Variants in IDE observed in about 807,000 individuals in gnomAD.
IDE encodes the protein insulin degrading enzyme, also known as insulin-degrading enzyme.
IDE carries 58 observed loss-of-function variants against 133.2 expected under a neutral mutation model. That is an observed-to-expected ratio of 0.44 (90% CI 0.35 to 0.54). The LOEUF is 0.54. Among genes scored for constraint, IDE ranks in the 20% least tolerant of loss-of-function variants. The pLI is 0.00. For synonymous variants in IDE, 396 were observed against 421.3 expected (o/e 0.94, Z 0.73); for missense variants, 981 against 1,234.0 (o/e 0.79, Z 3.07).
intron 11 of IDE, among the ~76,000 whole-genome samples, chr10:92,494,237 T>TC (rs974849029): frequency 1.3e-5 from 2 of 151,510 alleles, no homozygotes; most frequent in African/African-American, 4.8e-5. Flanking sequence ...AATTTTTTTT[T>TC]TTTTTTTTTT....
intron 12 of IDE, 64 bp from the exon 13 acceptor site, chr10:92,487,382 T>A: frequency 7.3e-7 from 1 of 1,378,124 alleles, no homozygotes; most frequent in Non-Finnish European, 1.0e-6. Flanking sequence ...AAATAGTATC[T>A]CTGCTCAATA....
intron 6 of IDE, 115 bp downstream of exon 6, chr10:92,509,935 A>C (rs1055916815): frequency 3.3e-5 from 19 of 567,240 alleles, no homozygotes; most frequent in Admixed American, 6.4e-5. Flanking sequence ...AAAAAAAAAA[A>C]AAAACACAAC....
chr10:92,514,632 A>T (rs1848805293), intron 5 of IDE, among the ~76,000 whole-genome samples: 1 of 152,004 alleles, frequency 6.6e-6, no homozygotes. Flanking sequence ...TAGAGACAGG[A>T]TCTTACTATG....
chr10:92,471,607 C>T (rs1371685161), intron 17 of IDE, among the ~76,000 whole-genome samples: 2 of 152,156 alleles, frequency 1.3e-5, no homozygotes, highest in East Asian at 3.8e-4. Flanking sequence ...CACCACAATA[C>T]TTACCCCCTT....
At position 92,474,910 on chromosome 10, in the gene IDE, T is replaced by C. The variant is rs146391334; in HGVS notation, c.2047A>G (p.Met683Val). 2.5e-6 allele frequency: 4 copies of C among 1,613,000 alleles called. No individual in the cohort carries two copies. The African/African-American group carries it at 5.3e-5, about 22-fold the overall frequency. Residue 683 changes from methionine (M) to valine (V), a missense_variant, in exon 17 of 25, where the codon ATG (methionine) becomes GTG (valine). Transcript: ENST00000265986. ...GTCATCAGCAAGCGGAGGTAGTACA[T>C]GGCATGCTGGTGAGGCTGTTCAGCC... ...FRAEQPHQHAMYYLRLLMTEV... is the reference protein window; with the variant it reads ...FRAEQPHQHAVYYLRLLMTEV...
At chr10:92,502,363 T>C (rs1208691911) in intron 11 of IDE, among the ~76,000 whole-genome samples, 4 of 152,346 alleles carry the variant, frequency 2.6e-5, no homozygotes, top group African/African-American at 9.6e-5. Flanking sequence ...GTAGAAGTCT[T>C]GCTTATCTTT....
intron 19 of IDE, among the ~76,000 whole-genome samples, chr10:92,467,235 A>T (rs879674304): frequency 1.3e-5 from 2 of 151,792 alleles, no homozygotes; most frequent in East Asian, 3.9e-4. Context: ...TGCCCAGCTA[A>T]TTTTTTTTAT....
At chr10:92,539,107 T>C (rs1183166570) in intron 1 of IDE, among the ~76,000 whole-genome samples, 1 of 152,092 alleles carries the variant, frequency 6.6e-6, no homozygotes, top group African/African-American at 2.4e-5. Flanking sequence ...AAATCACCTA[T>C]AACTATTCTT....
chr10:92,462,344 G>A (rs898236883), intron 21 of IDE, among the ~76,000 whole-genome samples: 9 of 145,864 alleles, frequency 6.2e-5, no homozygotes, highest in Non-Finnish European at 1.3e-4. Flanking sequence ...AAAAAGGCCA[G>A]GTGCAGTGGC....
In IDE at chr10:92,573,771, C is replaced by CA. The variant is rs1484400072; in HGVS notation, c.98+150dup. On this transcript the variant is annotated intron_variant, in intron 1 of 24. Coordinates refer to ENST00000265986, the MANE Select transcript of IDE (RefSeq NM_004969.4). ...GCTCTTCCGGGCCCTGGGGCGGCCT[C>CA]AGCGCGGCAGTACGGGCCCCAGGCC... 1.0e-5 allele frequency: 6 copies of CA among 572,180 alleles called. No homozygotes were observed. In the Admixed American group the frequency reaches 2.6e-4, roughly 25 times the overall value. 35.4% of individuals were successfully genotyped at this position (572,180 alleles called of 1,614,324 possible). A position where few individuals can be genotyped will look rare whatever the true frequency, so the allele number is the denominator to read the frequency against.
At chr10:92,488,208 G>A (rs1235815787) in intron 12 of IDE, among the ~76,000 whole-genome samples, 1 of 152,104 alleles carries the variant, frequency 6.6e-6, no homozygotes, top group Non-Finnish European at 1.5e-5. Flanking sequence ...AGGTTCAAAC[G>A]ATTCTTGTGC....
chr10:92,567,897 G>C (rs1843627618), intron 1 of IDE, among the ~76,000 whole-genome samples: 1 of 152,180 alleles, frequency 6.6e-6, no homozygotes, highest in African/African-American at 2.4e-5. Context: ...CTTGAGCCCA[G>C]GAGTTCATGG....
At chr10:92,556,017 C>CA (rs1311479915) in intron 1 of IDE, among the ~76,000 whole-genome samples, 2 of 150,624 alleles carry the variant, frequency 1.3e-5, no homozygotes, top group Non-Finnish European at 3.0e-5. Flanking sequence ...ACTAAAAATA[C>CA]AAAAAATTAG....
intron 2 of IDE, among the ~76,000 whole-genome samples, chr10:92,535,165 G>A (rs534642402): frequency 2.0e-5 from 3 of 152,140 alleles, no homozygotes; most frequent in East Asian, 1.9e-4. Flanking sequence ...GTGCAGTGGC[G>A]AGATCTTGGC....
rs552020209 is a variant in IDE at position 92,510,751 on chromosome 10, A to G, written c.785-589T>C. 2.7e-4 allele frequency among the ~76,000 whole-genome samples: 39 copies of G among 146,588 alleles called. No individual in the cohort carries two copies. In the South Asian group the frequency reaches 7.6e-3, roughly 28 times the overall value. On this transcript the variant is annotated intron_variant, in intron 5 of 24. Coordinates refer to ENST00000265986, the MANE Select transcript of IDE (RefSeq NM_004969.4). ...CTCACATGTATGAAATATAGCACATACATCTCACATATATGATATATAGCA... is the reference window on the plus strand; with the variant it reads ...CTCACATGTATGAAATATAGCACATGCATCTCACATATATGATATATAGCA...
chr10:92,484,137 C>A (rs1408489636), intron 13 of IDE, among the ~76,000 whole-genome samples: 1 of 152,090 alleles, frequency 6.6e-6, no homozygotes, highest in African/African-American at 2.4e-5. Context: ...GAGGGCCAGG[C>A]GCGGTGGCTT....
At chr10:92,565,769 T>C (rs1320092385) in intron 1 of IDE, among the ~76,000 whole-genome samples, 2 of 152,182 alleles carry the variant, frequency 1.3e-5, no homozygotes, top group Non-Finnish European at 2.9e-5. Context: ...CAGTAATCAC[T>C]TCAGACTCAA....
At position 92,527,084 on chromosome 10, in the gene IDE, T is replaced by TTC. The variant is rs1373277929; in HGVS notation, c.661+4663_661+4664insGA. On this transcript the variant is annotated intron_variant, in intron 4 of 24. Coordinates refer to ENST00000265986, the MANE Select transcript of IDE (RefSeq NM_004969.4). ...TATCTTCATGGGTTTTTCTGTGTGT[T>TTC]TAAGAACATTTCCTCTATCTGAAGA... Among the ~76,000 whole-genome samples the TTC allele has an allele frequency of 2.6e-5, 4 of 152,160 alleles. No homozygotes were observed. In the East Asian group the frequency reaches 7.7e-4, roughly 29 times the overall value.
intron 1 of IDE, chr10:92,572,865 C>G: frequency 1.0e-6 from 1 of 984,258 alleles, no homozygotes; most frequent in Non-Finnish European, 1.2e-6. Context: ...CCATCTCTGG[C>G]CCCACACACT....
Sources: allele counts gnomAD v4.1 joint callset (sites outside exome capture counted in the v4.1 genomes callset), GRCh38; gene constraint gnomAD v4.1.1; transcripts MANE v1.5; gene names NCBI Gene and HGNC (gene_info 2026-07-23, HGNC 2026-07-21).